Variants in RALYL observed in about 807,000 individuals in gnomAD.
The protein encoded by RALYL is RALY RNA binding protein like, also known as RNA-binding Raly-like protein.
RALYL carries 29 observed loss-of-function variants against 35.1 expected under a neutral mutation model. The observed-to-expected ratio is 0.83, with a 90% CI of 0.61 to 1.13. The LOEUF is 1.13. Ranked by LOEUF, RALYL falls within the 50% of genes most tolerant of loss-of-function variation. The pLI is 0.00. For missense variants in RALYL, 359 were observed against 360.4 expected (o/e 1.00, Z 0.03); for synonymous variants, 120 against 127.6 (o/e 0.94, Z 0.40).
chr8:84,658,163 T>C lies in RALYL; in HGVS notation c.257-116416T>C, dbSNP rs188057236. Among the ~76,000 whole-genome samples, 75 of 152,278 alleles carry C rather than the reference T, an allele frequency of 4.9e-4. 1 individual carries two copies. Among genetic ancestry groups the C allele is most frequent in the Non-Finnish European group, 9.0e-4 (61 of 68,018 alleles). On this transcript the variant is annotated intron_variant, in intron 2 of 8. Coordinates refer to ENST00000521268, the MANE Select transcript of RALYL (RefSeq NM_173848.7). ...GGAACATGGGTCCCATAGAGAGACATGAAACTCAACTGCACATGCCCACAT... is the reference window on the plus strand; with the variant it reads ...GGAACATGGGTCCCATAGAGAGACACGAAACTCAACTGCACATGCCCACAT...
intron 3 of RALYL, among the ~76,000 whole-genome samples, chr8:84,777,117 G>T (rs1164718208): frequency 6.6e-6 from 1 of 152,106 alleles, no homozygotes; most frequent in Non-Finnish European, 1.5e-5. Flanking sequence ...CTACAAAATT[G>T]GTAGTATATA....
At chr8:84,810,912 CAG>C (rs1245811603) in intron 4 of RALYL, among the ~76,000 whole-genome samples, 4 of 152,126 alleles carry the variant, frequency 2.6e-5, no homozygotes, top group Non-Finnish European at 4.4e-5. Context: ...CTGAAGGCAG[CAG>C]AGAGTTGATT....
chr8:84,245,944 G>A (rs572099343), intron 1 of RALYL, among the ~76,000 whole-genome samples: 2 of 152,260 alleles, frequency 1.3e-5, no homozygotes, highest in South Asian at 2.1e-4. Flanking sequence ...GAAAGCAAAT[G>A]CAGAGAGAGC....
chr8:84,846,211 C>G (rs1834622343), intron 4 of RALYL, among the ~76,000 whole-genome samples: 1 of 152,118 alleles, frequency 6.6e-6, no homozygotes, highest in South Asian at 2.1e-4. Context: ...GATAGCATTG[C>G]ATCTGTAAAT....
At chr8:84,890,972 C>A (rs1034264156) in intron 8 of RALYL, among the ~76,000 whole-genome samples, 5 of 151,950 alleles carry the variant, frequency 3.3e-5, no homozygotes, top group Non-Finnish European at 7.4e-5. Flanking sequence ...CAAAAAGCCC[C>A]TACATATACC....
intron 1 of RALYL, among the ~76,000 whole-genome samples, chr8:84,370,387 G>T (rs1260666148): frequency 1.3e-5 from 2 of 151,808 alleles, no homozygotes; most frequent in East Asian, 1.9e-4. Context: ...TAACGTAAAT[G>T]AAAAGTAGTT....
At chr8:84,542,745 G>A (rs747818247) in intron 2 of RALYL, among the ~76,000 whole-genome samples, 33 of 152,262 alleles carry the variant, frequency 2.2e-4, no homozygotes, top group Admixed American at 1.4e-3. Context: ...CTTCATAGCA[G>A]CATGAGAATG....
intron 1 of RALYL, among the ~76,000 whole-genome samples, chr8:84,471,702 A>G (rs1352550432): frequency 6.6e-6 from 1 of 152,236 alleles, no homozygotes; most frequent in African/African-American, 2.4e-5. Flanking sequence ...GATGCAGCAT[A>G]GGCCTCATTT....
intron 1 of RALYL, among the ~76,000 whole-genome samples, chr8:84,367,341 T>A (rs1428916416): frequency 0.032 from 2,155 of 68,064 alleles, 298 homozygotes; most frequent in East Asian, 0.059. Flanking sequence ...TTTTTTTTTT[T>A]TTTTTTTTTT....
intron 1 of RALYL, among the ~76,000 whole-genome samples, chr8:84,389,604 A>T (rs1394941013): frequency 6.6e-6 from 1 of 150,910 alleles, no homozygotes; most frequent in East Asian, 1.9e-4. Flanking sequence ...TCTTTGAAGC[A>T]ATTGTGAATG....
At chr8:84,806,571 A>G (rs540639336) in intron 4 of RALYL, among the ~76,000 whole-genome samples, 1 of 152,262 alleles carries the variant, frequency 6.6e-6, no homozygotes, top group South Asian at 2.1e-4. Context: ...TCTCCAAAAA[A>G]AAAAAAAAAT....
In RALYL at chr8:84,367,318, ATTTTTTTTTTTT is replaced by A. The variant is rs56387511; in HGVS notation, c.-23-161941_-23-161930del. On this transcript the variant is annotated intron_variant, in intron 1 of 8. Transcript: ENST00000521268. ...GCCATCCTGCCCAACTAATTTTTGTATTTTTTTTTTTTTTTTTTTTTTTTTTTTTTTTTTTTT... is the reference window on the plus strand; with the variant it reads ...GCCATCCTGCCCAACTAATTTTTGTATTTTTTTTTTTTTTTTTTTTTTTTT... Among the ~76,000 whole-genome samples the A allele has an allele frequency of 1.4e-3, 38 of 27,406 alleles. 4 individuals are homozygous for A. Among genetic ancestry groups the A allele is most frequent in the African/African-American group, 2.1e-3 (27 of 12,566 alleles). 18.0% of individuals were successfully genotyped at this position (27,406 alleles called of 152,430 possible). A position where few individuals can be genotyped will look rare whatever the true frequency, so the allele number is the denominator to read the frequency against.
At chr8:84,622,566 G>A (rs555026970) in intron 2 of RALYL, among the ~76,000 whole-genome samples, 11 of 152,192 alleles carry the variant, frequency 7.2e-5, no homozygotes, top group Admixed American at 6.5e-4. Flanking sequence ...GTGTGTCCAG[G>A]GATCAGGACA....
intron 2 of RALYL, among the ~76,000 whole-genome samples, chr8:84,721,236 C>T (rs1280861718): frequency 6.6e-6 from 1 of 151,500 alleles, no homozygotes. Flanking sequence ...AAAACAAAAC[C>T]TAAAAATAAA....
At chr8:84,595,256 T>A (rs1386600920) in intron 2 of RALYL, among the ~76,000 whole-genome samples, 1 of 152,168 alleles carries the variant, frequency 6.6e-6, no homozygotes, top group African/African-American at 2.4e-5. Context: ...GAATTGAAAG[T>A]GTCTTTGAAC....
chr8:84,470,028 C>T (rs1383012535), intron 1 of RALYL, among the ~76,000 whole-genome samples: 10 of 152,132 alleles, frequency 6.6e-5, no homozygotes, highest in African/African-American at 9.7e-5. Flanking sequence ...CACTGACCTG[C>T]GCCCACTGTC....
At chr8:84,795,057 T>C (rs1821604978) in intron 3 of RALYL, among the ~76,000 whole-genome samples, 1 of 152,162 alleles carries the variant, frequency 6.6e-6, no homozygotes, top group East Asian at 1.9e-4. Context: ...ATGATAGCCC[T>C]AAGCAGAGAT....
At chr8:84,596,239 G>T (rs1814500787) in intron 2 of RALYL, among the ~76,000 whole-genome samples, 1 of 152,060 alleles carries the variant, frequency 6.6e-6, no homozygotes, top group African/African-American at 2.4e-5. Context: ...TATCCAAATT[G>T]CTGCTGTTGG....
At chr8:84,377,430 A>C (rs538759854) in intron 1 of RALYL, among the ~76,000 whole-genome samples, 3 of 145,246 alleles carry the variant, frequency 2.1e-5, no homozygotes, top group Non-Finnish European at 3.0e-5. Context: ...CATTTTGAGG[A>C]GATATCATCA....
Sources: allele counts gnomAD v4.1 joint callset (sites outside exome capture counted in the v4.1 genomes callset), GRCh38; gene constraint gnomAD v4.1.1; transcripts MANE v1.5; gene names NCBI Gene and HGNC (gene_info 2026-07-23, HGNC 2026-07-21).